The following SUSD5 variants were observed in gnomAD, a reference collection of about 807,000 sequenced individuals.
SUSD5 encodes sushi domain containing 5.
SUSD5 carries 33 observed loss-of-function variants against 29.5 expected under a neutral mutation model. The observed-to-expected ratio is 1.12, with a 90% CI of 0.85 to 1.49. The LOEUF (loss-of-function observed/expected upper bound fraction) is 1.49, where lower values mean the gene tolerates loss of function less well. Ranked by LOEUF, SUSD5 falls within the 40% of genes most tolerant of loss-of-function variation. The pLI is 0.00. For synonymous variants in SUSD5, 308 were observed against 325.3 expected, an observed-to-expected ratio of 0.95 and a Z score of 0.57; for missense variants, 776 against 800.6, an observed-to-expected ratio of 0.97 and a Z score of 0.37.
chr3:33,202,186 AATGAG>A (rs1337401610), intron 3 of SUSD5, among the ~76,000 whole-genome samples: 1 of 152,166 alleles, frequency 6.6e-6, no homozygotes, highest in Non-Finnish European at 1.5e-5. Flanking sequence ...GGTCCATGGT[AATGAG>A]CTCAGAGGCT....
intron 3 of SUSD5, among the ~76,000 whole-genome samples, chr3:33,200,892 T>C (rs1337447643): frequency 6.6e-6 from 1 of 152,116 alleles, no homozygotes; most frequent in Non-Finnish European, 1.5e-5. Flanking sequence ...GTTGAGGAAA[T>C]CTCTAACCAA....
At chr3:33,186,691 C>T (rs1032797480) in intron 3 of SUSD5, among the ~76,000 whole-genome samples, 2 of 152,140 alleles carry the variant, frequency 1.3e-5, no homozygotes, top group Non-Finnish European at 2.9e-5. Flanking sequence ...TCCCAAAGTC[C>T]TGGGATTACA....
intron 2 of SUSD5, among the ~76,000 whole-genome samples, chr3:33,210,554 ACAC>A (rs2032304216): frequency 6.6e-6 from 1 of 152,226 alleles, no homozygotes; most frequent in Non-Finnish European, 1.5e-5. Flanking sequence ...ATTTATGTGT[ACAC>A]TCAACATAAA....
chr3:33,176,298 C>T (rs2031551055), intron 3 of SUSD5, among the ~76,000 whole-genome samples: 1 of 152,224 alleles, frequency 6.6e-6, no homozygotes, highest in Non-Finnish European at 1.5e-5. Context: ...AATAAAGCTG[C>T]TATACACATC....
At position 33,153,384 on chromosome 3, in the gene SUSD5, T is replaced by G. The variant is rs188571723; in HGVS notation, c.1248A>C (p.Glu416Asp). ...LVTPDQPILV[E>D]VKKPKSSTLT... The stretch of plus-strand genomic sequence containing the variant: ...GGGTGCTACTCTTGGGCTTCTTAAC[T>G]TCCACAAGAATGGGCTGATCAGGAG... Residue 416 changes from glutamate (E) to aspartate (D), a missense_variant, in exon 5 of 5, where the codon GAA (glutamate) becomes GAC (aspartate). Transcript: ENST00000309558. The G allele has an allele frequency of 9.9e-6, 16 of 1,613,850 alleles. No homozygotes were observed. The East Asian group carries it at 3.6e-4, about 36-fold the overall frequency.
At chr3:33,211,696 C>A (rs1485542405) in intron 2 of SUSD5, among the ~76,000 whole-genome samples, 1 of 152,198 alleles carries the variant, frequency 6.6e-6, no homozygotes, top group Non-Finnish European at 1.5e-5. Context: ...TTTCACATTT[C>A]CTGTGGCATG....
rs1309665764 is a variant in SUSD5 at position 33,153,962 on chromosome 3, T to C, written c.670A>G (p.Met224Val). The C allele has an allele frequency of 6.2e-7, 1 of 1,613,850 alleles. No homozygotes were observed. The change falls in exon 5 of 5, where the codon ATG becomes GTG. Residue 224 changes from methionine to valine, a missense_variant. Physicochemically the swap from Met to Val is conservative, Grantham distance 21. Transcript: ENST00000309558. ...DDRSVSFREL[M>V]EDSRTEADED... is the part of the protein sequence containing the mutation. ...TCTGCCTCTGTCCGGGAATCCTCCA[T>C]GAGCTCTCTGAATGACACAGATCTG... is the stretch of plus-strand genomic sequence containing the variant.
Position 33,152,910 on chromosome 3 carries a change from A to G in SUSD5, c.1722T>C (p.Pro574=). 1 of 1,614,010 alleles carries G rather than the reference A, an allele frequency of 6.2e-7. No homozygotes were observed. The highest frequency in any genetic ancestry group is 8.5e-7 in the Non-Finnish European group (1 of 1,179,880). The change falls in exon 5 of 5, where the codon CCT becomes CCC. Residue 574 remains proline, a synonymous_variant. Transcript: ENST00000309558. ...GDGCPGLSRG[P]VIATIVTVLC... The stretch of plus-strand genomic sequence containing the variant: ...GGACGGTGACAATGGTGGCGATCAC[A>G]GGGCCTCTGCTGAGGCCAGGACATC...
intron 4 of SUSD5, among the ~76,000 whole-genome samples, chr3:33,155,278 T>G (rs1288941431): frequency 1.3e-5 from 2 of 152,236 alleles, no homozygotes; most frequent in African/African-American, 4.8e-5. Flanking sequence ...ATAGTTGACT[T>G]GGGACATCAC....
At position 33,167,603 on chromosome 3, in the gene SUSD5, TAAAAA is replaced by T. The variant is rs1271709177; in HGVS notation, c.598+7278_598+7282del. Among the ~76,000 whole-genome samples, 4 of 152,298 alleles carry T rather than the reference TAAAAA, an allele frequency of 2.6e-5. No individual in the cohort carries two copies. Among genetic ancestry groups the T allele is most frequent in the South Asian group, 4.1e-4 (2 of 4,826 alleles). ...AGGTTCGCAGGTCAAGGTCCTGACT[TAAAAA>T]CAGGTTGTCAGTATATCACAGTTTC... is the stretch of plus-strand genomic sequence containing the variant. On this transcript the variant is annotated intron_variant, in intron 4 of 4. Transcript: ENST00000309558. This position sits in a 1 kb window ranked among gnomAD's most constrained non-coding sequence, Gnocchi z 4.1.
chr3:33,211,976 C>T (rs1028794317), intron 2 of SUSD5, among the ~76,000 whole-genome samples: 3 of 152,062 alleles, frequency 2.0e-5, no homozygotes, highest in African/African-American at 7.3e-5. Flanking sequence ...TTTCCCAGCA[C>T]CATTTATTGA....
At chr3:33,205,187 C>T (rs886471803) in intron 3 of SUSD5, among the ~76,000 whole-genome samples, 9 of 152,046 alleles carry the variant, frequency 5.9e-5, no homozygotes, top group Admixed American at 2.6e-4. Context: ...AAAATTTAAA[C>T]GTTGATACAA....
chr3:33,208,297 A>G (rs879343822), intron 2 of SUSD5, among the ~76,000 whole-genome samples: 8 of 152,218 alleles, frequency 5.3e-5, no homozygotes, highest in Non-Finnish European at 1.0e-4. Context: ...TCTAACAAAC[A>G]TTTAATGTTT....
chr3:33,183,692 T>G (rs762174680), intron 3 of SUSD5, among the ~76,000 whole-genome samples: 77 of 152,096 alleles, frequency 5.1e-4, no homozygotes, highest in Non-Finnish European at 9.4e-4. Flanking sequence ...TTCTCTGATG[T>G]TCTTCCTTTA....
At chr3:33,206,826 TCA>T (rs1559456937) in intron 3 of SUSD5, among the ~76,000 whole-genome samples, 1 of 152,144 alleles carries the variant, frequency 6.6e-6, no homozygotes, top group African/African-American at 2.4e-5. Context: ...TACATTAAAA[TCA>T]CAAGGGAGTT....
At chr3:33,213,893 G>T in intron 2 of SUSD5, 35 bp downstream of exon 2, 1 of 1,559,788 alleles carries the variant, frequency 6.4e-7, no homozygotes, top group Admixed American at 1.8e-5. Context: ...GGTGCAACTG[G>T]GGTGAGTTGG....
chr3:33,183,675 T>G (rs537225734), intron 3 of SUSD5, among the ~76,000 whole-genome samples: 46 of 152,228 alleles, frequency 3.0e-4, no homozygotes, highest in African/African-American at 1.1e-3. Flanking sequence ...TCACCTTCAC[T>G]TATTTATTCT....
chr3:33,184,767 T>C (rs920237398), intron 3 of SUSD5, among the ~76,000 whole-genome samples: 1 of 152,254 alleles, frequency 6.6e-6, no homozygotes, highest in African/African-American at 2.4e-5. Flanking sequence ...TTCCTTAGAA[T>C]TGCCACCTCT....
At chr3:33,206,894 G>C (rs2032231489) in intron 3 of SUSD5, among the ~76,000 whole-genome samples, 1 of 152,140 alleles carries the variant, frequency 6.6e-6, no homozygotes, top group African/African-American at 2.4e-5. Context: ...TGAGGCATCA[G>C]TATTTTTTAA....
Sources: gnomAD v4.1 joint callset for allele counts (sites outside exome capture counted in the v4.1 genomes callset) on GRCh38, gnomAD v4.1.1 for gene constraint, Gnocchi (gnomAD v3.1) non-coding constraint, MANE v1.5 for transcripts, NCBI Gene and HGNC (gene_info 2026-07-23, HGNC 2026-07-21) for gene names.